The following RPH3A variants were observed in gnomAD, a reference collection of about 807,000 sequenced individuals.
RPH3A encodes the protein rabphilin-3A.
Under a neutral mutation model 102.2 loss-of-function variants are expected in RPH3A, and 48 were observed. That is an observed-to-expected ratio of 0.47 (90% CI 0.37 to 0.60). The LOEUF (loss-of-function observed/expected upper bound fraction) is 0.60, where lower values mean the gene tolerates loss of function less well. Among genes scored for constraint, RPH3A ranks in the 20% least tolerant of loss-of-function variants. The pLI is 0.00. For synonymous variants in RPH3A, 310 were observed against 324.3 expected, an observed-to-expected ratio of 0.96 and a Z score of 0.47; for missense variants, 781 against 910.1, an observed-to-expected ratio of 0.86 and a Z score of 1.83.
intron 1 of RPH3A, among the ~76,000 whole-genome samples, chr12:112,633,258 A>G (rs1354959141): frequency 6.6e-6 from 1 of 152,170 alleles, no homozygotes; most frequent in East Asian, 1.9e-4. Context: ...CCTTCAAAAT[A>G]GTGATTGTTA....
At chr12:112,822,580 T>C (rs1314367266) in intron 2 of RPH3A, among the ~76,000 whole-genome samples, 1 of 152,012 alleles carries the variant, frequency 6.6e-6, no homozygotes, top group Non-Finnish European at 1.5e-5. Context: ...CCCTGGAATC[T>C]GGGTTACCTG....
At chr12:112,896,128 G>A (rs779641433) in intron 21 of RPH3A, among the ~76,000 whole-genome samples, 34 of 152,204 alleles carry the variant, frequency 2.2e-4, no homozygotes, top group Admixed American at 2.0e-4. Context: ...AGAGATTTGC[G>A]TTCTCTGCAG....
At chr12:112,730,449 T>TAG (rs1184263029) in intron 1 of RPH3A, among the ~76,000 whole-genome samples, 1 of 152,102 alleles carries the variant, frequency 6.6e-6, no homozygotes, top group Non-Finnish European at 1.5e-5. Flanking sequence ...TTGAACCAGG[T>TAG]AGGGGTATGA....
chr12:112,744,730 GCA>G (rs1455420784), intron 1 of RPH3A, among the ~76,000 whole-genome samples: 4 of 152,078 alleles, frequency 2.6e-5, no homozygotes, highest in Admixed American at 6.5e-5. Context: ...TGACAAGGTC[GCA>G]CAGTCAGGGG....
intron 1 of RPH3A, among the ~76,000 whole-genome samples, chr12:112,693,968 A>G (rs1000318468): frequency 5.9e-5 from 9 of 152,242 alleles, no homozygotes; most frequent in African/African-American, 2.2e-4. Context: ...ATTGAAGGCC[A>G]GGAGCCTTGC....
chr12:112,587,349 T>C (rs1592894828), intron 1 of RPH3A, among the ~76,000 whole-genome samples: 1 of 152,272 alleles, frequency 6.6e-6, no homozygotes, highest in African/African-American at 2.4e-5. Context: ...ACGGTTCTTC[T>C]GAGAGTGAAA....
At chr12:112,878,487 A>G (rs1309942530) in intron 13 of RPH3A, among the ~76,000 whole-genome samples, 1 of 152,232 alleles carries the variant, frequency 6.6e-6, no homozygotes, top group African/African-American at 2.4e-5. Flanking sequence ...ATGGAAAAAA[A>G]AAGATAGACA....
chr12:112,635,630 T>A (rs1255082582), intron 1 of RPH3A, among the ~76,000 whole-genome samples: 1 of 152,166 alleles, frequency 6.6e-6, no homozygotes, highest in East Asian at 1.9e-4. Flanking sequence ...TATAATGATG[T>A]TTGTTATTGC....
chr12:112,590,107 A>AAATAAT (rs2039467174), intron 1 of RPH3A, among the ~76,000 whole-genome samples: 1 of 151,932 alleles, frequency 6.6e-6, no homozygotes, highest in Non-Finnish European at 1.5e-5. Context: ...AGTAAAGGAA[A>AAATAAT]AATAATAATA....
At chr12:112,759,268 C>T (rs1002150128) in intron 1 of RPH3A, among the ~76,000 whole-genome samples, 22 of 152,102 alleles carry the variant, frequency 1.4e-4, no homozygotes, top group Non-Finnish European at 1.5e-5. Flanking sequence ...ATTCTATGAA[C>T]ATACTGGCAT....
chr12:112,656,101 C>T (rs934490060), intron 1 of RPH3A, among the ~76,000 whole-genome samples: 10 of 152,176 alleles, frequency 6.6e-5, no homozygotes, highest in African/African-American at 2.4e-4. Flanking sequence ...ATGGACAGAA[C>T]AAGAGCACAA....
At position 112,869,944 on chromosome 12, in the gene RPH3A, G is replaced by T; in HGVS notation, c.701G>T (p.Arg234Leu). 1.2e-6 allele frequency: 2 copies of T among 1,614,092 alleles called. No homozygotes were observed. The highest frequency in any genetic ancestry group is 1.1e-5 in the South Asian group (1 of 91,070). Residue 234 changes from arginine to leucine, a missense_variant, in exon 10 of 22, where the codon CGC becomes CTC. Coordinates refer to ENST00000389385, the MANE Select transcript of RPH3A (RefSeq NM_001143854.2). Reference protein sequence around the residue: ...PGRGNYGPPVRRASEARMSSS... With the variant: ...PGRGNYGPPVLRASEARMSSS... The stretch of plus-strand genomic sequence containing the variant: ...CGAGGAAACTATGGGCCTCCCGTGC[G>T]CAGGGCCTCCGAGGCACGAATGAGC...
chr12:112,636,472 AT>A (rs765069292), intron 1 of RPH3A, among the ~76,000 whole-genome samples: 14 of 152,152 alleles, frequency 9.2e-5, no homozygotes, highest in Non-Finnish European at 1.9e-4. Context: ...ATGCAGGGGC[AT>A]TTTTGGTCTT....
At chr12:112,633,496 G>C (rs2039822689) in intron 1 of RPH3A, among the ~76,000 whole-genome samples, 1 of 152,116 alleles carries the variant, frequency 6.6e-6, no homozygotes, top group African/African-American at 2.4e-5. Context: ...CTTATAAGAA[G>C]AGGAAGAGAG....
upstream of RPH3A, among the ~76,000 whole-genome samples, chr12:112,788,608 G>C (rs143621893): frequency 1.3e-3 from 205 of 152,370 alleles, 1 homozygote; most frequent in African/African-American, 4.8e-3. Context: ...GATAATCACT[G>C]TAAAGTGCTT....
intron 1 of RPH3A, among the ~76,000 whole-genome samples, chr12:112,727,148 C>A (rs1412396606): frequency 6.6e-6 from 1 of 151,978 alleles, no homozygotes; most frequent in Non-Finnish European, 1.5e-5. Flanking sequence ...ACTCTTGGCT[C>A]CCTGAGCAGA....
intron 1 of RPH3A, among the ~76,000 whole-genome samples, chr12:112,727,935 T>C (rs961017704): frequency 3.9e-5 from 6 of 152,196 alleles, no homozygotes; most frequent in African/African-American, 1.4e-4. Flanking sequence ...ATAGCTTGTC[T>C]TGAAGCCAGA....
At chr12:112,711,960 G>C (rs1258051087) in intron 1 of RPH3A, among the ~76,000 whole-genome samples, 4 of 152,102 alleles carry the variant, frequency 2.6e-5, no homozygotes, top group African/African-American at 4.8e-5. Context: ...AGCCTCCAGA[G>C]TAGCTGGGAT....
At chr12:112,579,859 A>G (rs1471918175) in intron 1 of RPH3A, among the ~76,000 whole-genome samples, 1 of 152,132 alleles carries the variant, frequency 6.6e-6, no homozygotes, top group Non-Finnish European at 1.5e-5. Flanking sequence ...CCTCCTGAGT[A>G]GCTGGGACCA....
Sources: allele counts gnomAD v4.1 joint callset (sites outside exome capture counted in the v4.1 genomes callset), GRCh38; gene constraint gnomAD v4.1.1; transcripts MANE v1.5; gene names NCBI Gene and HGNC (gene_info 2026-07-23, HGNC 2026-07-21).